Variants in PCGF5 observed in about 807,000 individuals in gnomAD.
PCGF5 encodes polycomb group RING finger protein 5.
A neutral mutation model predicts 44.3 loss-of-function variants in PCGF5; 9 were observed. That is an observed-to-expected ratio of 0.20 (90% CI 0.12 to 0.35). The LOEUF is 0.35. PCGF5 is among the 10% of genes least tolerant of loss of function. The pLI is 1.00. For missense variants in PCGF5, 146 were observed against 305.3 expected (o/e 0.48, Z 3.89); for synonymous variants, 95 against 102.5 (o/e 0.93, Z 0.44).
chr10:91,200,361 G>C (rs1844227777), intron 1 of PCGF5, among the ~76,000 whole-genome samples: 1 of 150,488 alleles, frequency 6.6e-6, no homozygotes, highest in Admixed American at 6.7e-5. Context: ...CCTACTCGGT[G>C]CCCAAAATTG....
intron 1 of PCGF5, among the ~76,000 whole-genome samples, chr10:91,173,578 C>CTTTTTTTTTTTTT (rs59254639): frequency 0.031 from 3,566 of 115,058 alleles, 406 homozygotes; most frequent in African/African-American, 0.11. Flanking sequence ...AGGGAGTTGG[C>CTTTTTTTTTTTTT]TTTTTTTTTT....
chr10:91,252,074 T>G lies in PCGF5; in HGVS notation c.474+634T>G, dbSNP rs544155058. ...ACACTCTGCTTTTATAGATTTTCTTTGGTCTTTAAATGGTGTTACTTTAAT... is the reference window on the plus strand; with the variant it reads ...ACACTCTGCTTTTATAGATTTTCTTGGGTCTTTAAATGGTGTTACTTTAAT... On this transcript the variant is annotated intron_variant, in intron 6 of 9. Coordinates refer to ENST00000336126, the MANE Select transcript of PCGF5 (RefSeq NM_032373.5). 2.5e-4 allele frequency among the ~76,000 whole-genome samples: 38 copies of G among 152,152 alleles called. No homozygotes were observed. The East Asian group carries it at 4.3e-3, about 17-fold the overall frequency.
chr10:91,230,888 G>A (rs939180102), intron 2 of PCGF5, among the ~76,000 whole-genome samples: 1 of 152,098 alleles, frequency 6.6e-6, no homozygotes, highest in African/African-American at 2.4e-5. Flanking sequence ...CTCCCAAAGT[G>A]CTGGGATTAT....
At chr10:91,185,751 CA>C (rs1223389317) in intron 1 of PCGF5, among the ~76,000 whole-genome samples, 1 of 152,168 alleles carries the variant, frequency 6.6e-6, no homozygotes, top group African/African-American at 2.4e-5. Flanking sequence ...CCGGGAGTTG[CA>C]AAGATTGGTG....
At chr10:91,167,782 A>G (rs1843525512) in intron 1 of PCGF5, among the ~76,000 whole-genome samples, 1 of 152,246 alleles carries the variant, frequency 6.6e-6, no homozygotes, top group African/African-American at 2.4e-5. Flanking sequence ...ATTAATCTTC[A>G]TCACAGGAGC....
chr10:91,269,477 CT>C (rs1846125517), intron 8 of PCGF5, among the ~76,000 whole-genome samples: 1 of 152,066 alleles, frequency 6.6e-6, no homozygotes, highest in African/African-American at 2.4e-5. Context: ...ATAATAACTC[CT>C]TTTGTGGCTG....
At chr10:91,242,723 G>A (rs1356972031) in intron 3 of PCGF5, among the ~76,000 whole-genome samples, 2 of 152,056 alleles carry the variant, frequency 1.3e-5, no homozygotes, top group African/African-American at 4.8e-5. Context: ...GCTTTATCAT[G>A]TGCATATGTG....
At chr10:91,246,871 A>G (rs1040823630) in intron 3 of PCGF5, among the ~76,000 whole-genome samples, 1 of 152,114 alleles carries the variant, frequency 6.6e-6, no homozygotes, top group Non-Finnish European at 1.5e-5. Context: ...TAATAAAAGG[A>G]GGTACTTGAA....
intron 8 of PCGF5, among the ~76,000 whole-genome samples, chr10:91,266,679 T>G (rs1478766919): frequency 6.6e-6 from 1 of 152,176 alleles, no homozygotes; most frequent in Admixed American, 6.5e-5. Context: ...TGTTTCACCC[T>G]CAGTCATCAC....
chr10:91,279,405 C>G lies in PCGF5; in HGVS notation c.*1089C>G, dbSNP rs1846394522. 6.6e-6 allele frequency: 1 copy of G among 152,108 alleles called. No homozygotes were observed. The highest frequency in any genetic ancestry group is 6.5e-5 in the Admixed American group (1 of 15,276). The allele number at this position is 152,108 out of a possible 1,614,324, so 9.4% of individuals were successfully genotyped here. The stretch of plus-strand genomic sequence containing the variant: ...AGAATAAATGCAGTATAGAACTATG[C>G]TAACCAAAATTAATAGGTTAAGGGT... On this transcript the variant is annotated 3_prime_UTR_variant, in exon 10 of 10. Transcript: ENST00000336126.
intron 1 of PCGF5, among the ~76,000 whole-genome samples, chr10:91,176,784 G>C (rs1034083646): frequency 2.0e-5 from 3 of 152,104 alleles, no homozygotes; most frequent in Non-Finnish European, 4.4e-5. Flanking sequence ...TCTCTGCATT[G>C]GTTATTCTAG....
At chr10:91,198,998 T>C (rs1389214064) in intron 1 of PCGF5, among the ~76,000 whole-genome samples, 1 of 152,264 alleles carries the variant, frequency 6.6e-6, no homozygotes, top group African/African-American at 2.4e-5. Context: ...CTGGCCATGC[T>C]GACCTTTTAT....
At chr10:91,204,673 A>C (rs1035414512) in intron 1 of PCGF5, among the ~76,000 whole-genome samples, 2 of 152,222 alleles carry the variant, frequency 1.3e-5, no homozygotes, top group Admixed American at 6.5e-5. Flanking sequence ...GAGGATAAAA[A>C]TAGTTGTACA....
intron 1 of PCGF5, among the ~76,000 whole-genome samples, chr10:91,211,263 G>T (rs1335411972): frequency 2.0e-5 from 3 of 152,196 alleles, no homozygotes; most frequent in Non-Finnish European, 2.9e-5. Flanking sequence ...TGCATACTTT[G>T]TTGATGTGAT....
At chr10:91,182,950 T>G (rs1843848974) in intron 1 of PCGF5, among the ~76,000 whole-genome samples, 1 of 152,186 alleles carries the variant, frequency 6.6e-6, no homozygotes, top group Non-Finnish European at 1.5e-5. Context: ...TAGTCTTGAG[T>G]TCTAATTTGA....
chr10:91,263,701 C>T (rs746481383), intron 7 of PCGF5, among the ~76,000 whole-genome samples: 6 of 152,130 alleles, frequency 3.9e-5, no homozygotes, highest in Admixed American at 6.6e-5. Flanking sequence ...AGGGGTTGTT[C>T]GGTTCTTGCA....
Position 91,271,687 on chromosome 10 carries a change from C to A in PCGF5, c.713C>A (p.Pro238His). The A allele has an allele frequency of 6.2e-7, 1 of 1,613,698 alleles. No individual in the cohort carries two copies. Among genetic ancestry groups the A allele is most frequent in the Non-Finnish European group, 8.5e-7 (1 of 1,179,706 alleles). Residue 238 changes from proline to histidine, a missense_variant, in exon 9 of 10, where the codon CCT becomes CAT. This residue lies in a region of PCGF5 where 19 missense variants were observed against 17.2 expected (regional missense o/e 1.11). Coordinates refer to ENST00000336126, the MANE Select transcript of PCGF5 (RefSeq NM_032373.5). ...TCGCAAGTCTGCTCTCAGGATGGCC[C>A]TTTGTATCAGGTAAGAGGCACTCAC... ...SASQVCSQDG[P>H]LYQSYPMVLQ...
chr10:91,179,450 A>G (rs1158894154), intron 1 of PCGF5, among the ~76,000 whole-genome samples: 2 of 152,184 alleles, frequency 1.3e-5, no homozygotes, highest in Non-Finnish European at 2.9e-5. Context: ...CCATCCAGGA[A>G]TTAAGCCTAG....
At chr10:91,239,140 G>T (rs1845258673) in intron 2 of PCGF5, among the ~76,000 whole-genome samples, 1 of 152,000 alleles carries the variant, frequency 6.6e-6, no homozygotes, top group African/African-American at 2.4e-5. Context: ...CGGAGGGGGA[G>T]GCAGGTAAAA....
Sources: allele counts gnomAD v4.1 joint callset (sites outside exome capture counted in the v4.1 genomes callset), GRCh38; gene constraint gnomAD v4.1.1; regional missense constraint gnomAD v4.1.1; transcripts MANE v1.5; gene names NCBI Gene and HGNC (gene_info 2026-07-23, HGNC 2026-07-21).